Variants in TMEM266 observed in about 807,000 individuals in gnomAD.
The protein encoded by TMEM266 is Hv1 related protein 1.
Under a neutral mutation model 50.5 loss-of-function variants are expected in TMEM266, and 33 were observed. The ratio of observed to expected loss-of-function variants is 0.65; its 90% CI spans 0.50 to 0.87. The LOEUF (loss-of-function observed/expected upper bound fraction) is 0.87, where lower values mean the gene tolerates loss of function less well. Among genes scored for constraint, TMEM266 ranks in the 40% least tolerant of loss-of-function variants. The pLI is 0.00. For synonymous variants in TMEM266, 310 were observed against 292.3 expected, an observed-to-expected ratio of 1.06 and a Z score of -0.62; for missense variants, 655 against 695.1, an observed-to-expected ratio of 0.94 and a Z score of 0.65.
chr15:76,149,815 G>C (rs1223648640), intron 3 of TMEM266, among the ~76,000 whole-genome samples: 2 of 152,172 alleles, frequency 1.3e-5, no homozygotes, highest in Middle Eastern at 3.2e-3. Context: ...AACAGCTCCT[G>C]GTGCACAATA....
At chr15:76,156,175 A>G (rs1004991172) in intron 3 of TMEM266, among the ~76,000 whole-genome samples, 1 of 152,196 alleles carries the variant, frequency 6.6e-6, no homozygotes, top group African/African-American at 2.4e-5. Context: ...AGCCTGGCCA[A>G]CATGATGAAA....
At chr15:76,122,250 G>A (rs181936281) in intron 1 of TMEM266, among the ~76,000 whole-genome samples, 62 of 152,358 alleles carry the variant, frequency 4.1e-4, no homozygotes, top group African/African-American at 1.4e-3. Flanking sequence ...TCATGTGAGA[G>A]CTTTCATGTT....
At chr15:76,193,018 G>A (rs1370447760) in intron 9 of TMEM266, among the ~76,000 whole-genome samples, 2 of 152,210 alleles carry the variant, frequency 1.3e-5, no homozygotes, top group East Asian at 1.9e-4. Flanking sequence ...GGACGCAGCC[G>A]GGCAGGCTGA....
At chr15:76,075,979 C>G (rs2036602885) in intron 1 of TMEM266, among the ~76,000 whole-genome samples, 1 of 150,528 alleles carries the variant, frequency 6.6e-6, no homozygotes, top group African/African-American at 2.5e-5. Context: ...CCCTCAACCC[C>G]CCGAGTAGCT....
chr15:76,073,421 C>G (rs534052526), intron 1 of TMEM266, among the ~76,000 whole-genome samples: 1 of 148,986 alleles, frequency 6.7e-6, no homozygotes. Context: ...TTAGTAGAGA[C>G]GGGGTTTCAC....
chr15:76,142,782 A>G (rs2037699814), intron 3 of TMEM266, among the ~76,000 whole-genome samples: 1 of 152,218 alleles, frequency 6.6e-6, no homozygotes, highest in Admixed American at 6.5e-5. Flanking sequence ...GCTGCTTAGC[A>G]GAGCCCAAAC....
At chr15:76,181,629 G>T (rs915260736) in intron 8 of TMEM266, 1 of 152,184 alleles carries the variant, frequency 6.6e-6, no homozygotes, top group Non-Finnish European at 1.5e-5. Context: ...TAGGCTCGCT[G>T]GTACACAGAT....
intron 3 of TMEM266, among the ~76,000 whole-genome samples, chr15:76,141,427 T>C (rs969244312): frequency 6.6e-6 from 1 of 151,830 alleles, no homozygotes; most frequent in African/African-American, 2.4e-5. Flanking sequence ...TTAATAGAGA[T>C]GGGGTTTCAC....
At chr15:76,066,905 A>T (rs1229136310) in intron 1 of TMEM266, among the ~76,000 whole-genome samples, 1 of 152,100 alleles carries the variant, frequency 6.6e-6, no homozygotes, top group African/African-American at 2.4e-5. Flanking sequence ...TTGCAGGGGC[A>T]GTCCTGTGCA....
chr15:76,179,344 G>T (rs908553796), intron 8 of TMEM266, among the ~76,000 whole-genome samples: 17 of 152,126 alleles, frequency 1.1e-4, no homozygotes, highest in Admixed American at 1.3e-4. Flanking sequence ...CAACTAATGG[G>T]TGTGGACCCC....
At chr15:76,095,954 G>C (rs908939399) in intron 1 of TMEM266, among the ~76,000 whole-genome samples, 1 of 152,052 alleles carries the variant, frequency 6.6e-6, no homozygotes, top group South Asian at 2.1e-4. Flanking sequence ...CTGTGGGTCA[G>C]TGGTGATATC....
In TMEM266 at chr15:76,204,141, C is replaced by T. The variant is rs753919187; in HGVS notation, c.1422C>T (p.Thr474=). ...CCAGCCCAGCGGGCTCGGCCCAAAC[C>T]AGCCCCGAGCTGGAACACAGGGTAA... The change falls in exon 11 of 11, where the codon ACC becomes ACT. Residue 474 remains threonine (T), a synonymous_variant. Transcript: ENST00000388942. 3.7e-6 allele frequency: 6 copies of T among 1,613,532 alleles called. No homozygotes were observed. Among genetic ancestry groups the T allele is most frequent in the South Asian group, 2.2e-5 (2 of 91,078 alleles).
intron 1 of TMEM266, among the ~76,000 whole-genome samples, chr15:76,124,752 T>G (rs2037394106): frequency 6.6e-6 from 1 of 152,194 alleles, no homozygotes; most frequent in African/African-American, 2.4e-5. Flanking sequence ...TGAGCTATGA[T>G]TGTGCTGCTG....
In TMEM266 at chr15:76,202,991, G is replaced by A. The variant is rs375842738; in HGVS notation, c.1021+727G>A. Among the ~76,000 whole-genome samples the A allele has an allele frequency of 2.6e-5, 4 of 152,046 alleles. No homozygotes were observed. The East Asian group carries it at 5.8e-4, about 22-fold the overall frequency. ...CCTCATCCAATATGCTGGTTTCAAA[G>A]ACCACCGTCTCCAGCCCAGACCTCT... On this transcript the variant is annotated intron_variant, in intron 10 of 10. Coordinates refer to ENST00000388942, the MANE Select transcript of TMEM266 (RefSeq NM_152335.3).
rs139387779 is a variant in TMEM266 at position 76,156,263 on chromosome 15, G to T, written c.228-341G>T. ...TAGCCCCAGCTATTTGGGAGCCTGA[G>T]GCAGGAGAATTGCTTGAACCTGGGA... On this transcript the variant is annotated intron_variant, in intron 3 of 10. Transcript: ENST00000388942. Among the ~76,000 whole-genome samples the T allele has an allele frequency of 9.0e-3, 1,375 of 152,322 alleles. 13 individuals are homozygous for T. Among genetic ancestry groups the T allele is most frequent in the Middle Eastern group, 0.031 (9 of 294 alleles).
chr15:76,128,215 T>G (rs2037453711), intron 1 of TMEM266, among the ~76,000 whole-genome samples: 1 of 152,238 alleles, frequency 6.6e-6, no homozygotes, highest in African/African-American at 2.4e-5. Context: ...AGGTCATGTG[T>G]GCCATGGGGC....
chr15:76,199,356 G>A (rs1012217324), intron 9 of TMEM266, among the ~76,000 whole-genome samples: 5 of 152,274 alleles, frequency 3.3e-5, no homozygotes, highest in Non-Finnish European at 5.9e-5. Context: ...GCAACACAGA[G>A]AAAGGAGAAC....
At chr15:76,175,219 C>T (rs746736464) in intron 7 of TMEM266, 2 of 221,414 alleles carry the variant, frequency 9.0e-6, no homozygotes, top group Non-Finnish European at 1.8e-5. Context: ...CATGCCACCT[C>T]CACTAGCATC....
intron 3 of TMEM266, among the ~76,000 whole-genome samples, chr15:76,144,240 T>C (rs2959864): frequency 0.43 from 64,735 of 151,854 alleles, 15,228 homozygotes; most frequent in East Asian, 0.63. Flanking sequence ...ATGTGCATTT[T>C]GGCTCATTTT....
Sources: allele counts gnomAD v4.1 joint callset (sites outside exome capture counted in the v4.1 genomes callset), GRCh38; gene constraint gnomAD v4.1.1; transcripts MANE v1.5; gene names NCBI Gene and HGNC (gene_info 2026-07-23, HGNC 2026-07-21).